RELN: variants seen among roughly 807,000 people sequenced by gnomAD.
The protein encoded by RELN is reelin.
Under a neutral mutation model 427.6 loss-of-function variants are expected in RELN, and 108 were observed. That is an observed-to-expected ratio of 0.25 (90% CI 0.22 to 0.30). The LOEUF (loss-of-function observed/expected upper bound fraction) is 0.30. Among genes scored for constraint, RELN ranks in the 10% least tolerant of loss-of-function variants. The pLI, the probability that RELN is intolerant of heterozygous loss-of-function variation, is 1.00. For missense variants in RELN, 3,715 were observed against 4,302.8 expected (o/e 0.86, Z 3.82); for synonymous variants, 1,524 against 1,513.4 (o/e 1.01, Z -0.16).
At position 103,764,442 on chromosome 7, in the gene RELN, A is replaced by G. The variant is rs555036430; in HGVS notation, c.545-11228T>C. ...GGTAACTGCAAACTTCATGCTCACA[A>G]TCATTTTACCTTCTTGACTCTTTGT... On this transcript the variant is annotated intron_variant, in intron 4 of 64. Transcript: ENST00000428762. Among the ~76,000 whole-genome samples, 5 of 152,294 alleles carry G rather than the reference A, an allele frequency of 3.3e-5. 1 individual carries two copies. Among genetic ancestry groups the G allele is most frequent in the African/African-American group, 1.2e-4 (5 of 41,576 alleles).
At chr7:103,936,637 A>G (rs1795990564) in intron 1 of RELN, among the ~76,000 whole-genome samples, 1 of 151,838 alleles carries the variant, frequency 6.6e-6, no homozygotes, top group South Asian at 2.1e-4. Context: ...TGTTCTATCC[A>G]CACTTAACTT....
chr7:103,727,803 A>G (rs936840345), intron 7 of RELN, among the ~76,000 whole-genome samples: 1 of 152,188 alleles, frequency 6.6e-6, no homozygotes, highest in African/African-American at 2.4e-5. Flanking sequence ...AGAACTTAGA[A>G]GGTCATAAAT....
At chr7:103,814,215 T>C (rs1436839007) in intron 3 of RELN, among the ~76,000 whole-genome samples, 1 of 152,200 alleles carries the variant, frequency 6.6e-6, no homozygotes, top group Non-Finnish European at 1.5e-5. Flanking sequence ...GCTTATTTCA[T>C]AAGACTGTTG....
chr7:103,484,282 T>C (rs1239191216), intron 61 of RELN: 1 of 202,942 alleles, frequency 4.9e-6, no homozygotes, highest in African/African-American at 2.3e-5. Context: ...CATAATATAA[T>C]AGAAACAGAA....
chr7:103,565,477 C>T lies in RELN; in HGVS notation c.5011G>A (p.Gly1671Ser), dbSNP rs939943472. The T allele has an allele frequency of 6.2e-7, 1 of 1,613,658 alleles. No individual in the cohort carries two copies. The highest frequency in any genetic ancestry group is 1.1e-5 in the South Asian group (1 of 91,048). The change falls in exon 34 of 65, where the codon GGC (glycine) becomes AGC (serine). Residue 1671 changes from glycine (G) to serine (S), a missense_variant. By Grantham distance (56) the Gly-to-Ser change is moderately conservative. Transcript: ENST00000428762. Reference sequence around the variant, plus strand: ...GAGTTGCTGAAGGGCTTGCTACAGCCCATGCTCATTTCAAACTGCAAAAAG... The same window carrying T: ...GAGTTGCTGAAGGGCTTGCTACAGCTCATGCTCATTTCAAACTGCAAAAAG... ...STFLQFEMSM[G>S]CSKPFSNSHS... is the part of the protein sequence containing the mutation.
chr7:103,941,722 A>T (rs1403356084), intron 1 of RELN, among the ~76,000 whole-genome samples: 4 of 152,168 alleles, frequency 2.6e-5, no homozygotes, highest in Non-Finnish European at 5.9e-5. Context: ...AACATTTAAC[A>T]ATGAACATTT....
At chr7:103,674,700 G>C (rs987349559) in intron 11 of RELN, among the ~76,000 whole-genome samples, 8 of 152,102 alleles carry the variant, frequency 5.3e-5, no homozygotes, top group Admixed American at 3.3e-4. Context: ...GATCAAGTTG[G>C]CTTCATCCCT....
chr7:103,918,857 G>C (rs923313181), intron 1 of RELN, among the ~76,000 whole-genome samples: 5 of 152,128 alleles, frequency 3.3e-5, no homozygotes, highest in East Asian at 1.9e-4. Context: ...TCAATGCAGA[G>C]AGAAACTGAC....
At chr7:103,551,329 C>T (rs1291550139) in intron 40 of RELN, 33 bp from the exon 41 acceptor site, 3 of 1,470,702 alleles carry the variant, frequency 2.0e-6, no homozygotes, top group Non-Finnish European at 2.8e-6. Context: ...ATACAAATTA[C>T]CTCAGAGCAA....
rs530750151 is a variant in RELN at position 103,565,966 on chromosome 7, T to C, written c.4936+258A>G. Among the ~76,000 whole-genome samples the C allele has an allele frequency of 2.3e-4, 12 of 51,752 alleles. No homozygotes were observed. The East Asian group carries it at 7.5e-3, about 32-fold the overall frequency. The allele number at this position is 51,752 out of a possible 152,430, so 34.0% of individuals were successfully genotyped here. The stretch of plus-strand genomic sequence containing the variant: ...CTACAAGTTATGAAACATAGGAATG[T>C]CCTCTCATAGATTTTTTTGCTCTTC... On this transcript the variant is annotated intron_variant, in intron 33 of 64. Transcript: ENST00000428762.
rs557806193 is a variant in RELN at position 103,664,722 on chromosome 7, T to C, written c.1290-3195A>G. Among the ~76,000 whole-genome samples the C allele has an allele frequency of 1.1e-4, 16 of 152,314 alleles. No homozygotes were observed. In the South Asian group the frequency reaches 2.1e-3, roughly 20 times the overall value. On this transcript the variant is annotated intron_variant, in intron 11 of 64. Coordinates refer to ENST00000428762, the MANE Select transcript of RELN (RefSeq NM_005045.4). ...CTCAACTTTGCATTTACATGATTAG[T>C]AGTGAGGCTAAATATATTTTCATGT...
At chr7:103,657,323 C>A (rs1056757040) in intron 12 of RELN, among the ~76,000 whole-genome samples, 7 of 151,670 alleles carry the variant, frequency 4.6e-5, no homozygotes, top group African/African-American at 1.7e-4. Context: ...AAAAAATCCA[C>A]GTGAAAATGA....
At chr7:103,880,283 G>A (rs932006996) in intron 2 of RELN, among the ~76,000 whole-genome samples, 1 of 151,714 alleles carries the variant, frequency 6.6e-6, no homozygotes, top group Non-Finnish European at 1.5e-5. Context: ...CTTGAAAAAA[G>A]GTTTAAAACA....
At chr7:103,581,378 G>A (rs988899181) in intron 28 of RELN, among the ~76,000 whole-genome samples, 3 of 151,962 alleles carry the variant, frequency 2.0e-5, no homozygotes, top group African/African-American at 7.3e-5. Context: ...TTTTATGTTG[G>A]GTAAGGGTAA....
In RELN at chr7:103,792,193, C is replaced by T. The variant is rs76016181; in HGVS notation, c.474-15566G>A. On this transcript the variant is annotated intron_variant, in intron 3 of 64. Coordinates refer to ENST00000428762, the MANE Select transcript of RELN (RefSeq NM_005045.4). ...TGTTAAACATTGAGTTACTGTGTGACCCAGCAATTCCACTTGCAGTTGTAT... is the reference window on the plus strand; with the variant it reads ...TGTTAAACATTGAGTTACTGTGTGATCCAGCAATTCCACTTGCAGTTGTAT... Among the ~76,000 whole-genome samples, 714 of 152,192 alleles carry T rather than the reference C, an allele frequency of 4.7e-3. 4 individuals carry two copies. Among genetic ancestry groups the T allele is most frequent in the African/African-American group, 0.016 (676 of 41,518 alleles).
chr7:103,610,457 G>C (rs1435986020), intron 22 of RELN, among the ~76,000 whole-genome samples: 7 of 152,086 alleles, frequency 4.6e-5, no homozygotes, highest in Admixed American at 4.6e-4. Context: ...AGTCAGAGAA[G>C]GCTAGGACAG....
At chr7:103,544,209 A>G (rs1219294338) in intron 42 of RELN, among the ~76,000 whole-genome samples, 1 of 151,106 alleles carries the variant, frequency 6.6e-6, no homozygotes, top group Non-Finnish European at 1.5e-5. Flanking sequence ...CTGAGCAAAA[A>G]GAAAGAAAAT....
chr7:103,773,168 T>TTTCTTTCTTTCTTTCTTTC (rs1563004438), intron 4 of RELN, among the ~76,000 whole-genome samples: 1 of 98,934 alleles, frequency 1.0e-5, no homozygotes, highest in Non-Finnish European at 2.2e-5. Context: ...TTCTTTCTTT[T>TTTCTTTCTTTCTTTCTTTC]TCTTTCTTTC....
chr7:103,529,146 A>C (rs1230865094), intron 46 of RELN, among the ~76,000 whole-genome samples: 1 of 151,858 alleles, frequency 6.6e-6, no homozygotes, highest in Non-Finnish European at 1.5e-5. Context: ...AAAAAAAAAA[A>C]AGTCCTCTCT....
Sources: gnomAD v4.1 joint callset for allele counts (sites outside exome capture counted in the v4.1 genomes callset) on GRCh38, gnomAD v4.1.1 for gene constraint, MANE v1.5 for transcripts, NCBI Gene and HGNC (gene_info 2026-07-23, HGNC 2026-07-21) for gene names.